Variants in DNM3 observed in about 807,000 individuals in gnomAD.
DNM3 encodes the protein dynamin 3, also known as dynamin-3.
In DNM3, 47 loss-of-function variants were observed where a neutral mutation model predicts 101.6. That is an observed-to-expected ratio of 0.46 (90% CI 0.37 to 0.59). DNM3 has a LOEUF of 0.59. Among genes scored for constraint, DNM3 ranks in the 20% least tolerant of loss-of-function variants. The pLI is 0.00. For synonymous variants in DNM3, 385 were observed against 387.9 expected (o/e 0.99, Z 0.09); for missense variants, 849 against 1,085.7 (o/e 0.78, Z 3.06).
intron 2 of DNM3, among the ~76,000 whole-genome samples, chr1:171,927,335 T>C (rs1218218183): frequency 6.6e-6 from 1 of 152,184 alleles, no homozygotes; most frequent in Non-Finnish European, 1.5e-5. Context: ...TATTTCATCA[T>C]CCAGGTTTTA....
intron 15 of DNM3, among the ~76,000 whole-genome samples, chr1:172,275,137 T>C (rs2063231249): frequency 2.0e-5 from 3 of 152,074 alleles, no homozygotes; most frequent in Admixed American, 2.0e-4. Flanking sequence ...GAATTAGTTA[T>C]GGTAGTGTGG....
intron 12 of DNM3, among the ~76,000 whole-genome samples, chr1:172,086,850 G>A (rs569789935): frequency 1.3e-4 from 20 of 152,260 alleles, no homozygotes; most frequent in Admixed American, 5.2e-4. Context: ...AATCTGTGCT[G>A]TTCAGTACAG....
At chr1:172,024,803 C>G (rs947870326) in intron 4 of DNM3, among the ~76,000 whole-genome samples, 1 of 152,240 alleles carries the variant, frequency 6.6e-6, no homozygotes, top group Admixed American at 6.5e-5. Flanking sequence ...GTCTTCACAA[C>G]CTACAGGCAA....
At chr1:172,224,872 T>C (rs760987428) in intron 14 of DNM3, among the ~76,000 whole-genome samples, 10 of 152,232 alleles carry the variant, frequency 6.6e-5, no homozygotes, top group Non-Finnish European at 1.2e-4. Flanking sequence ...CCCTCTTGCC[T>C]TGGGGCTCTC....
intron 14 of DNM3, among the ~76,000 whole-genome samples, chr1:172,171,432 T>C (rs890219739): frequency 5.9e-5 from 9 of 151,792 alleles, no homozygotes; most frequent in African/African-American, 2.2e-4. Context: ...AGAAAGTATG[T>C]GAGTTGAATA....
At chr1:172,241,760 C>A (rs1209908632) in intron 14 of DNM3, among the ~76,000 whole-genome samples, 2 of 152,082 alleles carry the variant, frequency 1.3e-5, no homozygotes. Flanking sequence ...GTGATTCAGG[C>A]CAACAAAACA....
At chr1:172,359,995 G>GA (rs1254958549) in intron 17 of DNM3, among the ~76,000 whole-genome samples, 3 of 151,712 alleles carry the variant, frequency 2.0e-5, no homozygotes, top group East Asian at 1.9e-4. Context: ...GACCTTGGAG[G>GA]AAAAAAATGC....
rs538063794 is a variant in DNM3, at chr1:172,072,665, A to T, written c.1422+3760A>T. Among the ~76,000 whole-genome samples the T allele has an allele frequency of 9.2e-5, 14 of 152,354 alleles. No individual in the cohort carries two copies. In the East Asian group the frequency reaches 2.5e-3, roughly 27 times the overall value. On this transcript the variant is annotated intron_variant, in intron 11 of 20. Transcript: ENST00000627582. ...CACTTTGGGAGGCCAAGGTGGGTGGATCACCTGAGGTCAGGAGTTCAAGAC... is the reference window on the plus strand; with the variant it reads ...CACTTTGGGAGGCCAAGGTGGGTGGTTCACCTGAGGTCAGGAGTTCAAGAC...
At chr1:172,338,782 C>A in intron 17 of DNM3, 1 of 480,084 alleles carries the variant, frequency 2.1e-6, no homozygotes, top group Admixed American at 2.2e-5. Flanking sequence ...TGCTAAGTAG[C>A]TCTGAAAACT....
At chr1:172,315,736 T>A (rs1485994167) in intron 16 of DNM3, among the ~76,000 whole-genome samples, 3 of 152,078 alleles carry the variant, frequency 2.0e-5, no homozygotes, top group Non-Finnish European at 4.4e-5. Flanking sequence ...TATGGGACTA[T>A]GTGAAAAGAC....
intron 10 of DNM3, among the ~76,000 whole-genome samples, chr1:172,067,824 A>G (rs2125932246): frequency 6.6e-6 from 1 of 152,322 alleles, no homozygotes; most frequent in East Asian, 1.9e-4. Context: ...AAATGTACAT[A>G]TACACATATA....
At chr1:172,353,453 T>C (rs1389872576) in intron 17 of DNM3, among the ~76,000 whole-genome samples, 1 of 152,208 alleles carries the variant, frequency 6.6e-6, no homozygotes, top group African/African-American at 2.4e-5. Context: ...CTTTTATTCA[T>C]TTTTGTATCT....
chr1:172,050,885 T>TA (rs2050160044), intron 10 of DNM3, among the ~76,000 whole-genome samples: 1 of 152,160 alleles, frequency 6.6e-6, no homozygotes, highest in African/African-American at 2.4e-5. Context: ...ATGAATCTTT[T>TA]TTTTTTATCA....
chr1:172,071,119 A>ATATATATATATATATC (rs1553362100), intron 11 of DNM3, among the ~76,000 whole-genome samples: 1 of 125,150 alleles, frequency 8.0e-6, no homozygotes, highest in African/African-American at 3.1e-5. Context: ...ATATATATAT[A>ATATATATATATATATC]TCTTAGTTCT....
At chr1:172,301,242 C>T (rs2064432393) in intron 15 of DNM3, among the ~76,000 whole-genome samples, 1 of 152,166 alleles carries the variant, frequency 6.6e-6, no homozygotes, top group South Asian at 2.1e-4. Context: ...TGGGTCACTC[C>T]TGTAATTCCA....
At chr1:172,056,208 G>A (rs1003822258) in intron 10 of DNM3, among the ~76,000 whole-genome samples, 8 of 152,302 alleles carry the variant, frequency 5.3e-5, no homozygotes, top group African/African-American at 9.6e-5. Context: ...ACGGAATCTC[G>A]CTGATTGCTA....
At chr1:171,860,428 T>C (rs550010739) in intron 1 of DNM3, among the ~76,000 whole-genome samples, 6 of 152,180 alleles carry the variant, frequency 3.9e-5, no homozygotes, top group Non-Finnish European at 7.4e-5. Flanking sequence ...CAAACTGCCT[T>C]ATTAATGATT....
intron 12 of DNM3, among the ~76,000 whole-genome samples, chr1:172,085,929 A>T (rs2053499367): frequency 6.6e-6 from 1 of 152,174 alleles, no homozygotes; most frequent in African/African-American, 2.4e-5. Context: ...GTATTGGAGT[A>T]TAAAAAGATC....
chr1:172,357,009 A>C (rs1440603896), intron 17 of DNM3, among the ~76,000 whole-genome samples: 1 of 152,126 alleles, frequency 6.6e-6, no homozygotes, highest in African/African-American at 2.4e-5. Flanking sequence ...AAATAAAATA[A>C]TGACAGTAAT....
Sources: allele counts gnomAD v4.1 joint callset (sites outside exome capture counted in the v4.1 genomes callset), GRCh38; gene constraint gnomAD v4.1.1; transcripts MANE v1.5; gene names NCBI Gene and HGNC (gene_info 2026-07-23, HGNC 2026-07-21).